Variants in CELF2 observed in about 807,000 individuals in gnomAD.
CELF2 encodes the protein CUG triplet repeat RNA-binding protein 2.
In CELF2, 8 loss-of-function variants were observed where a neutral mutation model predicts 62.6. That is an observed-to-expected ratio of 0.13 (90% CI 0.07 to 0.23). CELF2 has a LOEUF of 0.23. CELF2 is among the 10% of genes least tolerant of loss of function. CELF2 has a pLI of 1.00. For synonymous variants in CELF2, 258 were observed against 250.0 expected (o/e 1.03, Z -0.30); for missense variants, 333 against 671.0 (o/e 0.50, Z 5.56).
rs1411243239 is a variant in CELF2, at chr10:11,157,255, C to T, written c.75-8231C>T. 6.6e-6 allele frequency among the ~76,000 whole-genome samples: 1 copy of T among 152,168 alleles called. No homozygotes were observed. Among genetic ancestry groups the T allele is most frequent in the East Asian group, 1.9e-4 (1 of 5,194 alleles). ...GTAGAGGAGCTGTGCTCTGGGGCCG[C>T]GTTTCCCACCTTCCCAGCTCCCTTC... On this transcript the variant is annotated intron_variant, in intron 1 of 12. Transcript: ENST00000633077. The surrounding 1 kb of genome is among the most constrained non-coding windows in gnomAD (Gnocchi z 4.9).
intron 2 of CELF2, among the ~76,000 whole-genome samples, chr10:11,170,947 C>T (rs536238078): frequency 2.0e-5 from 3 of 152,092 alleles, no homozygotes; most frequent in South Asian, 4.2e-4. Flanking sequence ...AAGTGAAAAC[C>T]GAGTGATAGA....
At chr10:10,721,200 T>C in the CELF2 span, among the ~76,000 whole-genome samples, 1 of 152,218 alleles carries the variant, frequency 6.6e-6, no homozygotes, top group Non-Finnish European at 1.5e-5. Flanking sequence ...TCCTGCACTA[T>C]TTGGGGAGAG....
At chr10:11,073,434 C>T (rs981374517) in intron 1 of CELF2, among the ~76,000 whole-genome samples, 2 of 152,126 alleles carry the variant, frequency 1.3e-5, no homozygotes, top group Non-Finnish European at 2.9e-5. Context: ...GATTGAAACA[C>T]GCCGGGATGT....
chr10:10,736,747 G>T, the CELF2 span, among the ~76,000 whole-genome samples: 1 of 151,978 alleles, frequency 6.6e-6, no homozygotes, highest in Non-Finnish European at 1.5e-5. Flanking sequence ...CATCAATTTT[G>T]CAGGACTCAG....
chr10:11,097,198 A>G (rs1284190601), intron 1 of CELF2: 1 of 152,194 alleles, frequency 6.6e-6, no homozygotes, highest in African/African-American at 2.4e-5. Context: ...GCTGCCCATC[A>G]CATTTGTTTT....
chr10:11,111,362 C>T (rs745658558), intron 1 of CELF2, among the ~76,000 whole-genome samples: 5 of 152,064 alleles, frequency 3.3e-5, no homozygotes, highest in South Asian at 4.1e-4. Flanking sequence ...GATTCTGTTG[C>T]GAGGCCTTTG....
Position 11,311,968 on chromosome 10 carries a change from G to A in CELF2, c.977-2171G>A, listed in dbSNP as rs2094582337. On this transcript the variant is annotated intron_variant, in intron 9 of 12. Coordinates refer to ENST00000633077, the MANE Select transcript of CELF2 (RefSeq NM_001326342.2). The surrounding 1 kb of genome is among the most constrained non-coding windows in gnomAD (Gnocchi z 4.7). Reference sequence around the variant, plus strand: ...CAGGGATCCAGATGAATTCCAAGCAGTGAAAATAAAAATCAATCTAAACTT... The same window carrying A: ...CAGGGATCCAGATGAATTCCAAGCAATGAAAATAAAAATCAATCTAAACTT... 6.6e-6 allele frequency among the ~76,000 whole-genome samples: 1 copy of A among 152,178 alleles called. No individual in the cohort carries two copies. The highest frequency in any genetic ancestry group is 1.5e-5 in the Non-Finnish European group (1 of 68,026).
At chr10:11,293,457 G>A (rs568965841) in intron 9 of CELF2, among the ~76,000 whole-genome samples, 33 of 152,294 alleles carry the variant, frequency 2.2e-4, no homozygotes, top group African/African-American at 5.3e-4. Flanking sequence ...CTTCCACATC[G>A]TATTGCTGAG....
intron 2 of CELF2, among the ~76,000 whole-genome samples, chr10:11,201,430 G>T (rs1434842984): frequency 2.0e-5 from 3 of 152,090 alleles, no homozygotes; most frequent in Non-Finnish European, 1.5e-5. Flanking sequence ...TGTGTGTTTT[G>T]TTACTTTTTT....
At chr10:10,706,800 A>G in the CELF2 span, among the ~76,000 whole-genome samples, 1 of 152,218 alleles carries the variant, frequency 6.6e-6, no homozygotes, top group Admixed American at 6.5e-5. Flanking sequence ...TTCTTTGCCT[A>G]GATTTTACAA....
At chr10:10,939,206 G>A (rs927182976) in intron 2 of CELF2, among the ~76,000 whole-genome samples, 1 of 132,528 alleles carries the variant, frequency 7.5e-6, no homozygotes, top group Non-Finnish European at 1.5e-5. Flanking sequence ...CAAGTTATCA[G>A]TGTGGCCGCT....
At chr10:10,869,363 AC>A (rs1488312368) in intron 1 of CELF2, among the ~76,000 whole-genome samples, 1 of 152,162 alleles carries the variant, frequency 6.6e-6, no homozygotes, top group African/African-American at 2.4e-5. Flanking sequence ...GGAGTTTGAG[AC>A]CAGCCTGGCC....
intron 1 of CELF2, among the ~76,000 whole-genome samples, chr10:11,028,819 A>G (rs2059671460): frequency 6.6e-6 from 1 of 150,932 alleles, no homozygotes; most frequent in South Asian, 2.1e-4. Context: ...TCCTGGGTTC[A>G]AGTGATTCTC....
the CELF2 span, among the ~76,000 whole-genome samples, chr10:10,760,512 G>A: frequency 1.3e-5 from 2 of 152,164 alleles, no homozygotes; most frequent in South Asian, 2.1e-4. Context: ...AAGTCACGTC[G>A]ATACAGTTTA....
chr10:11,120,878 C>G (rs1056383612), intron 1 of CELF2, among the ~76,000 whole-genome samples: 1 of 152,134 alleles, frequency 6.6e-6, no homozygotes, highest in African/African-American at 2.4e-5. Context: ...TGTGAGTGCT[C>G]CTGCCTGAAG....
At chr10:11,323,628 C>T (rs2095569876) in intron 11 of CELF2, among the ~76,000 whole-genome samples, 1 of 151,990 alleles carries the variant, frequency 6.6e-6, no homozygotes, top group African/African-American at 2.4e-5. Flanking sequence ...CAGCTTTGTT[C>T]CTACAAACGT....
At chr10:10,533,226 G>C in the CELF2 span, among the ~76,000 whole-genome samples, 1 of 152,132 alleles carries the variant, frequency 6.6e-6, no homozygotes, top group Non-Finnish European at 1.5e-5. Flanking sequence ...TTGATTTCAA[G>C]TCATCACTTC....
At chr10:10,604,247 C>T in the CELF2 span, among the ~76,000 whole-genome samples, 1 of 152,172 alleles carries the variant, frequency 6.6e-6, no homozygotes, top group Non-Finnish European at 1.5e-5. Context: ...ATAACTCATT[C>T]TTAGAACACA....
the CELF2 span, among the ~76,000 whole-genome samples, chr10:10,552,880 G>A: frequency 6.6e-6 from 1 of 152,328 alleles, no homozygotes; most frequent in East Asian, 1.9e-4. Flanking sequence ...ATGGAATGCT[G>A]CGAGGGCAGG....
Sources: allele counts gnomAD v4.1 joint callset (sites outside exome capture counted in the v4.1 genomes callset), GRCh38; gene constraint gnomAD v4.1.1; non-coding constraint Gnocchi (gnomAD v3.1); transcripts MANE v1.5; gene names NCBI Gene and HGNC (gene_info 2026-07-23, HGNC 2026-07-21).